USP15: variants seen among roughly 807,000 people sequenced by gnomAD.
The protein encoded by USP15 is ubiquitin specific peptidase 15, also known as ubiquitin carboxyl-terminal hydrolase 15.
Under a neutral mutation model 127.1 loss-of-function variants are expected in USP15, and 18 were observed. That is an observed-to-expected ratio of 0.14 (90% CI 0.10 to 0.21). USP15 has a LOEUF of 0.21. Among genes scored for constraint, USP15 ranks in the 10% least tolerant of loss-of-function variants. The pLI is 1.00. For missense variants in USP15, 805 were observed against 1,159.9 expected, an observed-to-expected ratio of 0.69 and a Z score of 4.44; for synonymous variants, 364 against 393.7, an observed-to-expected ratio of 0.92 and a Z score of 0.89.
chr12:62,396,235 A>C, intron 19 of USP15, 60 bp from the exon 20 acceptor site: 2 of 1,354,242 alleles, frequency 1.5e-6, no homozygotes, highest in Non-Finnish European at 2.0e-6. Flanking sequence ...GGCAGAAGGG[A>C]ATAGAATTCA....
At chr12:62,265,578 G>C (rs1045074337) in intron 1 of USP15, among the ~76,000 whole-genome samples, 5 of 152,104 alleles carry the variant, frequency 3.3e-5, no homozygotes, top group Admixed American at 6.5e-5. Flanking sequence ...ACAGAGTCTC[G>C]CTTCATCACC....
At chr12:62,359,252 A>G (rs1039875743) in intron 8 of USP15, among the ~76,000 whole-genome samples, 15 of 151,772 alleles carry the variant, frequency 9.9e-5, no homozygotes, top group South Asian at 2.1e-4. Context: ...AAAAAAAAAA[A>G]AAAGAAACAC....
At chr12:62,349,710 T>C (rs1199793774) in intron 7 of USP15, among the ~76,000 whole-genome samples, 1 of 152,066 alleles carries the variant, frequency 6.6e-6, no homozygotes, top group Non-Finnish European at 1.5e-5. Flanking sequence ...TTTTTGTTTA[T>C]GAAAAAGGCA....
chr12:62,260,564 G>A, intron 1 of USP15, 61 bp downstream of exon 1: 1 of 1,474,336 alleles, frequency 6.8e-7, no homozygotes, highest in South Asian at 1.3e-5. Context: ...GTGGGCGGGA[G>A]CCGCGAGCTG....
At chr12:62,372,399 A>T in intron 8 of USP15, among the ~76,000 whole-genome samples, 1 of 152,170 alleles carries the variant, frequency 6.6e-6, no homozygotes, top group East Asian at 1.9e-4. Flanking sequence ...GAATGATAGG[A>T]AAAAAATTCT....
At chr12:62,391,457 C>A (rs1592722556) in intron 16 of USP15, 28 bp downstream of exon 16, 1 of 1,579,276 alleles carries the variant, frequency 6.3e-7, no homozygotes, top group Middle Eastern at 1.7e-4. Flanking sequence ...ATGGCTTGAA[C>A]ATTAAACAAG....
At chr12:62,298,981 T>A (rs944354282) in intron 2 of USP15, among the ~76,000 whole-genome samples, 1 of 151,994 alleles carries the variant, frequency 6.6e-6, no homozygotes, top group African/African-American at 2.4e-5. Flanking sequence ...TGTAAAACAT[T>A]CCTTGTACCC....
intron 6 of USP15, among the ~76,000 whole-genome samples, chr12:62,337,732 T>G (rs959683790): frequency 7.9e-5 from 12 of 151,294 alleles, no homozygotes; most frequent in Admixed American, 5.3e-4. Context: ...ACATGTGGTG[T>G]TTGATTTTCT....
intron 7 of USP15, among the ~76,000 whole-genome samples, chr12:62,351,377 A>G (rs756548835): frequency 4.0e-5 from 6 of 150,742 alleles, no homozygotes; most frequent in African/African-American, 7.3e-5. Flanking sequence ...TCATTTTTTC[A>G]TACTAGATAA....
At chr12:62,323,758 G>A (rs2065053763) in intron 5 of USP15, among the ~76,000 whole-genome samples, 3 of 152,124 alleles carry the variant, frequency 2.0e-5, no homozygotes, top group African/African-American at 2.4e-5. Flanking sequence ...CCTCTGAAAT[G>A]AGTGTTACTC....
At chr12:62,401,383 C>A in intron 21 of USP15, 108 bp downstream of exon 21, 1 of 742,004 alleles carries the variant, frequency 1.3e-6, no homozygotes, top group Non-Finnish European at 2.1e-6. Flanking sequence ...ATTCTAGCAG[C>A]TTGAGTAGCT....
intron 1 of USP15, chr12:62,267,341 C>G (rs1381693871): frequency 6.6e-6 from 1 of 152,074 alleles, no homozygotes; most frequent in African/African-American, 2.4e-5. Flanking sequence ...AGTAAGTAGC[C>G]TCAGTTTTGG....
At chr12:62,301,695 A>G (rs1365180827) in intron 2 of USP15, among the ~76,000 whole-genome samples, 2 of 152,220 alleles carry the variant, frequency 1.3e-5, no homozygotes, top group Non-Finnish European at 2.9e-5. Context: ...AAAGTAGACT[A>G]TAGTTGCAAA....
chr12:62,398,286 C>T (rs1019402137), intron 20 of USP15, among the ~76,000 whole-genome samples: 10 of 152,176 alleles, frequency 6.6e-5, no homozygotes, highest in Admixed American at 4.6e-4. Flanking sequence ...TGCCACGACA[C>T]CTGGCTTGTA....
At chr12:62,267,283 C>G (rs893618702) in intron 1 of USP15, 3 of 152,202 alleles carry the variant, frequency 2.0e-5, no homozygotes, top group Admixed American at 2.0e-4. Flanking sequence ...TAGATTTTAT[C>G]ACCCAGTTTA....
intron 4 of USP15, among the ~76,000 whole-genome samples, chr12:62,321,095 T>C (rs2064973949): frequency 6.6e-6 from 1 of 152,152 alleles, no homozygotes. Context: ...AAAAAATCTG[T>C]AACATCTCTT....
chr12:62,325,403 G>A (rs1477466288), intron 5 of USP15, among the ~76,000 whole-genome samples: 1 of 151,936 alleles, frequency 6.6e-6, no homozygotes, highest in Admixed American at 6.6e-5. Flanking sequence ...TCTGTAATTT[G>A]GAATTATCTG....
At chr12:62,272,462 C>CA (rs559461403) in intron 1 of USP15, among the ~76,000 whole-genome samples, 185 of 152,050 alleles carry the variant, frequency 1.2e-3, no homozygotes, top group Middle Eastern at 3.4e-3. Flanking sequence ...TCAATAACAA[C>CA]AAAAAAACTG....
intron 1 of USP15, among the ~76,000 whole-genome samples, chr12:62,264,339 A>G (rs376533646): frequency 1.1e-4 from 16 of 152,326 alleles, no homozygotes; most frequent in African/African-American, 3.6e-4. Context: ...AAACATAACC[A>G]CAAATCATCC....
Sources: gnomAD v4.1 joint callset for allele counts (sites outside exome capture counted in the v4.1 genomes callset) on GRCh38, gnomAD v4.1.1 for gene constraint, MANE v1.5 for transcripts, NCBI Gene and HGNC (gene_info 2026-07-23, HGNC 2026-07-21) for gene names.